The following L3MBTL4 variants were observed in gnomAD, a reference collection of about 807,000 sequenced individuals.
The protein encoded by L3MBTL4 is L3MBTL histone methyl-lysine binding protein 4, also known as lethal(3)malignant brain tumor-like protein 4.
Under a neutral mutation model 84.5 loss-of-function variants are expected in L3MBTL4, and 70 were observed. The observed-to-expected ratio is 0.83, with a 90% CI of 0.68 to 1.01. L3MBTL4 has a LOEUF of 1.01. L3MBTL4 is among the 50% of genes least tolerant of loss of function. The pLI, the probability that L3MBTL4 is intolerant of heterozygous loss-of-function variation, is 0.00. For missense variants in L3MBTL4, 715 were observed against 754.8 expected, an observed-to-expected ratio of 0.95 and a Z score of 0.62; for synonymous variants, 274 against 259.8, an observed-to-expected ratio of 1.05 and a Z score of -0.52.
At position 6,311,576 on chromosome 18, in the gene L3MBTL4, C is replaced by A. The variant is rs761595388; in HGVS notation, c.50G>T (p.Arg17Leu). The change falls in exon 3 of 19, where the codon CGT (arginine) becomes CTT (leucine). Residue 17 changes from arginine (R) to leucine (L), a missense_variant. Coordinates refer to ENST00000317931, the MANE Select transcript of L3MBTL4 (RefSeq NM_001330559.2). ...TACCAAGCGTCCGTCCTGATCCAAA[C>A]GCTCTTTGGAATCCATATTAAGCTT... ...KRKLNMDSKE[R>L]LDQDGRLEQA... 3.1e-6 allele frequency: 5 copies of A among 1,613,332 alleles called. No individual in the cohort carries two copies. The highest frequency in any genetic ancestry group is 3.4e-6 in the Non-Finnish European group (4 of 1,179,772).
intron 4 of L3MBTL4, among the ~76,000 whole-genome samples, chr18:6,292,822 G>A (rs73387614): frequency 2.0e-5 from 3 of 151,844 alleles, no homozygotes; most frequent in East Asian, 1.9e-4. Context: ...CTGAAGCCAC[G>A]TGCCATAACC....
intron 13 of L3MBTL4, among the ~76,000 whole-genome samples, chr18:6,165,396 G>C (rs2043594456): frequency 6.6e-6 from 1 of 152,098 alleles, no homozygotes; most frequent in Non-Finnish European, 1.5e-5. Flanking sequence ...CACCAAAGTT[G>C]AAATGAAGAA....
intron 12 of L3MBTL4, among the ~76,000 whole-genome samples, chr18:6,203,975 C>T (rs2045760839): frequency 6.6e-6 from 1 of 152,202 alleles, no homozygotes; most frequent in African/African-American, 2.4e-5. Flanking sequence ...TTCTGCCGTG[C>T]CCGTTTAGGG....
At chr18:6,260,297 A>G (rs1181315003) in intron 5 of L3MBTL4, 1 of 152,126 alleles carries the variant, frequency 6.6e-6, no homozygotes, top group Non-Finnish European at 1.5e-5. Context: ...ATTTTAGAGT[A>G]AGTTTTTTTG....
chr18:6,194,426 G>A (rs528660463), intron 12 of L3MBTL4, among the ~76,000 whole-genome samples: 28 of 152,154 alleles, frequency 1.8e-4, no homozygotes, highest in Non-Finnish European at 3.1e-4. Flanking sequence ...CACAGCCGTC[G>A]TTACCATTTA....
chr18:6,018,000 C>T (rs2055077653), intron 16 of L3MBTL4, among the ~76,000 whole-genome samples: 1 of 152,178 alleles, frequency 6.6e-6, no homozygotes, highest in East Asian at 1.9e-4. Flanking sequence ...TGAAGCAGAA[C>T]CTCTAGGGCA....
chr18:6,149,651 T>C (rs1199844766), intron 13 of L3MBTL4, among the ~76,000 whole-genome samples: 1 of 152,186 alleles, frequency 6.6e-6, no homozygotes, highest in Non-Finnish European at 1.5e-5. Context: ...TTGAACTAGT[T>C]TACGGACCCA....
intron 10 of L3MBTL4, among the ~76,000 whole-genome samples, chr18:6,216,882 T>C (rs894081177): frequency 2.6e-5 from 4 of 152,304 alleles, no homozygotes; most frequent in South Asian, 2.1e-4. Flanking sequence ...ATGTGACATA[T>C]AGAATTCCTG....
At chr18:6,032,154 T>C (rs534201684) in intron 16 of L3MBTL4, 28 of 293,796 alleles carry the variant, frequency 9.5e-5, no homozygotes, top group South Asian at 3.1e-4. Flanking sequence ...ATTTTTTGTA[T>C]TTTTGGTAGA....
intron 4 of L3MBTL4, among the ~76,000 whole-genome samples, chr18:6,290,530 T>TA (rs58374892): frequency 6.6e-6 from 1 of 151,770 alleles, no homozygotes; most frequent in Non-Finnish European, 1.5e-5. Context: ...CTTTTATTTT[T>TA]TTTTTTTAAT....
intron 4 of L3MBTL4, among the ~76,000 whole-genome samples, chr18:6,269,244 G>A (rs1295317571): frequency 1.3e-5 from 2 of 152,044 alleles, no homozygotes; most frequent in African/African-American, 2.4e-5. Context: ...GGCGGATCAC[G>A]AGGTCAGGAG....
chr18:6,110,411 A>C (rs780213668), intron 14 of L3MBTL4, among the ~76,000 whole-genome samples: 2 of 151,596 alleles, frequency 1.3e-5, no homozygotes, highest in African/African-American at 4.8e-5. Flanking sequence ...GTGTGTGTGC[A>C]TGTGAATATG....
chr18:6,041,593 C>G (rs956919715), intron 16 of L3MBTL4, among the ~76,000 whole-genome samples: 3 of 151,694 alleles, frequency 2.0e-5, no homozygotes, highest in Non-Finnish European at 4.4e-5. Context: ...CGTGCATAGG[C>G]TGTCATGAAG....
chr18:6,038,251 C>CTTTTTTTTTTTTTTTTTTTT (rs34580980), intron 16 of L3MBTL4, among the ~76,000 whole-genome samples: 1 of 97,862 alleles, frequency 1.0e-5, no homozygotes, highest in Non-Finnish European at 2.0e-5. Flanking sequence ...ATTTCTGGAT[C>CTTTTTTTTTTTTTTTTTTTT]TTTTTTTTTT....
chr18:6,243,705 T>C (rs546545707), intron 6 of L3MBTL4, among the ~76,000 whole-genome samples: 31 of 152,360 alleles, frequency 2.0e-4, no homozygotes, highest in African/African-American at 7.5e-4. Flanking sequence ...TATTCATTAA[T>C]TAACTGGTTT....
chr18:6,320,989 C>T (rs971945894), intron 1 of L3MBTL4, among the ~76,000 whole-genome samples: 2 of 151,962 alleles, frequency 1.3e-5, no homozygotes, highest in East Asian at 1.9e-4. Flanking sequence ...GAAGGGCCAC[C>T]CTATTTAATA....
At chr18:6,034,287 T>TC (rs1311085163) in intron 16 of L3MBTL4, among the ~76,000 whole-genome samples, 1 of 152,074 alleles carries the variant, frequency 6.6e-6, no homozygotes, top group Non-Finnish European at 1.5e-5. Flanking sequence ...CCCAATGTTA[T>TC]CCCTCCCCGC....
intron 16 of L3MBTL4, among the ~76,000 whole-genome samples, chr18:6,046,045 CTATCATGCAAGCAGGAAA>C: frequency 6.6e-6 from 1 of 152,118 alleles, no homozygotes; most frequent in East Asian, 1.9e-4. Flanking sequence ...GGAGAAAGAT[CTATCATGCAAGCAGGAAA>C]CAAAAATAAT....
intron 4 of L3MBTL4, among the ~76,000 whole-genome samples, chr18:6,290,568 C>T (rs1388241869): frequency 6.6e-6 from 1 of 151,858 alleles, no homozygotes; most frequent in Non-Finnish European, 1.5e-5. Flanking sequence ...CGCTCTATCA[C>T]CCAGGTTGGA....
Sources: allele counts gnomAD v4.1 joint callset (sites outside exome capture counted in the v4.1 genomes callset), GRCh38; gene constraint gnomAD v4.1.1; transcripts MANE v1.5; gene names NCBI Gene and HGNC (gene_info 2026-07-23, HGNC 2026-07-21).